The following GAB2 variants were observed in gnomAD, a reference collection of about 807,000 sequenced individuals.
GAB2 encodes GRB2-associated-binding protein 2.
GAB2 carries 26 observed loss-of-function variants against 65.5 expected under a neutral mutation model. The ratio of observed to expected loss-of-function variants is 0.40; its 90% CI spans 0.29 to 0.55. The LOEUF is 0.55. Ranked by LOEUF, GAB2 falls within the 20% of genes least tolerant of loss-of-function variation. GAB2 has a pLI of 0.53. For missense variants in GAB2, 884 were observed against 875.8 expected (o/e 1.01, Z -0.12); for synonymous variants, 321 against 329.6 (o/e 0.97, Z 0.28).
chr11:78,301,316 A>C (rs576469329), intron 1 of GAB2, among the ~76,000 whole-genome samples: 1 of 149,410 alleles, frequency 6.7e-6, no homozygotes, highest in East Asian at 2.0e-4. Context: ...TCATTTTCTT[A>C]GTGGTATCTT....
At chr11:78,252,478 A>G (rs1369635730) in intron 2 of GAB2, among the ~76,000 whole-genome samples, 1 of 152,184 alleles carries the variant, frequency 6.6e-6, no homozygotes, top group Non-Finnish European at 1.5e-5. Context: ...GCTACTGCCT[A>G]AGAAGACACA....
At chr11:78,409,286 T>A (rs1184802219) in intron 1 of GAB2, among the ~76,000 whole-genome samples, 3 of 151,980 alleles carry the variant, frequency 2.0e-5, no homozygotes, top group Non-Finnish European at 4.4e-5. Flanking sequence ...TCTAAATGTG[T>A]ATATATTGAA....
intron 1 of GAB2, among the ~76,000 whole-genome samples, chr11:78,298,010 T>C (rs752895276): frequency 2.0e-5 from 3 of 152,182 alleles, no homozygotes; most frequent in Non-Finnish European, 2.9e-5. Context: ...CATAATTCTA[T>C]ATTTTTAAGT....
intron 2 of GAB2, among the ~76,000 whole-genome samples, chr11:78,252,449 G>A (rs115053330): frequency 0.011 from 1,707 of 152,192 alleles, 30 homozygotes; most frequent in African/African-American, 0.032. Context: ...GTAGCCACAG[G>A]GCCATGGAAA....
chr11:78,298,735 C>G (rs1866909049), intron 1 of GAB2, among the ~76,000 whole-genome samples: 2 of 152,178 alleles, frequency 1.3e-5, no homozygotes, highest in Non-Finnish European at 2.9e-5. Context: ...ATTTAAAGCA[C>G]TGAATTAAGC....
At chr11:78,222,002 A>G (rs1864448864) in intron 7 of GAB2, 103 bp downstream of exon 7, 1 of 803,742 alleles carries the variant, frequency 1.2e-6, no homozygotes, top group African/African-American at 1.7e-5. Flanking sequence ...TGATAGCGTT[A>G]GCATCAGAAT....
At chr11:78,370,530 T>C (rs970945558) in intron 1 of GAB2, among the ~76,000 whole-genome samples, 1 of 152,114 alleles carries the variant, frequency 6.6e-6, no homozygotes, top group African/African-American at 2.4e-5. Context: ...CTGTTTATCA[T>C]GTGTTGCAAT....
intron 2 of GAB2, among the ~76,000 whole-genome samples, chr11:78,267,587 G>A (rs1000690123): frequency 3.9e-5 from 6 of 151,972 alleles, no homozygotes; most frequent in South Asian, 2.1e-4. Context: ...GGCCAGGTGC[G>A]GTGGCTCACA....
chr11:78,368,926 T>A (rs1471493913), intron 1 of GAB2, among the ~76,000 whole-genome samples: 1 of 151,784 alleles, frequency 6.6e-6, no homozygotes, highest in Non-Finnish European at 1.5e-5. Context: ...ACAAATTTTT[T>A]AAAAATTAAA....
chr11:78,348,819 C>A (rs142479642), intron 1 of GAB2, among the ~76,000 whole-genome samples: 31 of 152,110 alleles, frequency 2.0e-4, no homozygotes, highest in African/African-American at 7.5e-4. Context: ...AAGAAAGAAC[C>A]CAATGTCCAT....
At chr11:78,223,918 T>C (rs1864544171) in intron 5 of GAB2, among the ~76,000 whole-genome samples, 1 of 152,042 alleles carries the variant, frequency 6.6e-6, no homozygotes, top group Admixed American at 6.6e-5. Context: ...TCCTCTCTAC[T>C]AAAAATCCAA....
At chr11:78,361,610 T>C (rs1311105850) in intron 1 of GAB2, among the ~76,000 whole-genome samples, 1 of 152,222 alleles carries the variant, frequency 6.6e-6, no homozygotes, top group Non-Finnish European at 1.5e-5. Context: ...TAACTATAAA[T>C]GATTTTTAAA....
At position 78,216,433 on chromosome 11, in the gene GAB2, T is replaced by C. The variant is rs902725941; in HGVS notation, c.*2839A>G. The C allele has an allele frequency of 1.3e-5, 2 of 151,788 alleles. No individual in the cohort carries two copies. Among genetic ancestry groups the C allele is most frequent in the Admixed American group, 1.3e-4 (2 of 15,246 alleles). The allele number at this position is 151,788 out of a possible 1,614,324, so 9.4% of individuals were successfully genotyped here. A position where few individuals can be genotyped will look rare whatever the true frequency, so the allele number is the denominator to read the frequency against. On this transcript the variant is annotated 3_prime_UTR_variant, in exon 10 of 10. Coordinates refer to ENST00000361507, the MANE Select transcript of GAB2 (RefSeq NM_080491.3). ...GAGTTGACTCCTTTGTTGGAGGAGG[T>C]AGTGGGTGGAGGGTGGGGATATGCT... is the stretch of plus-strand genomic sequence containing the variant.
chr11:78,413,136 CAAAT>C (rs1348451061), intron 1 of GAB2, among the ~76,000 whole-genome samples: 1 of 152,098 alleles, frequency 6.6e-6, no homozygotes, highest in Non-Finnish European at 1.5e-5. Context: ...GGGAAACATT[CAAAT>C]AGAGATGCCC....
chr11:78,276,351 T>C (rs1346620999), intron 2 of GAB2, among the ~76,000 whole-genome samples: 1 of 152,100 alleles, frequency 6.6e-6, no homozygotes, highest in Non-Finnish European at 1.5e-5. Flanking sequence ...GCTCAAGCGA[T>C]CTTCCTGTCT....
At position 78,222,090 on chromosome 11, in the gene GAB2, C is replaced by A; in HGVS notation, c.1658+15G>T. The A allele has an allele frequency of 1.3e-6, 2 of 1,558,140 alleles. No individual in the cohort carries two copies. The highest frequency in any genetic ancestry group is 1.8e-6 in the Non-Finnish European group (2 of 1,128,882). ...GCCCGACTCCAAGCTCCCACCCCCA[C>A]ACATACGCACTTACTTGGCCCTAGA... On this transcript the variant is annotated intron_variant, in intron 7 of 9. Transcript: ENST00000361507.
chr11:78,378,298 T>C (rs1856656421), intron 1 of GAB2, among the ~76,000 whole-genome samples: 1 of 152,330 alleles, frequency 6.6e-6, no homozygotes, highest in South Asian at 2.1e-4. Context: ...ATGAGCGCCC[T>C]TGGGCCATTA....
At chr11:78,343,260 T>C (rs2134693947) in intron 1 of GAB2, among the ~76,000 whole-genome samples, 1 of 152,148 alleles carries the variant, frequency 6.6e-6, no homozygotes, top group South Asian at 2.1e-4. Flanking sequence ...TTAAAAATAG[T>C]GATGAGATGA....
At chr11:78,334,894 T>C (rs953578667) in intron 1 of GAB2, among the ~76,000 whole-genome samples, 4 of 152,240 alleles carry the variant, frequency 2.6e-5, no homozygotes, top group African/African-American at 9.6e-5. Context: ...TTTCTCTACA[T>C]CCTCGCCAGC....
Sources: allele counts gnomAD v4.1 joint callset (sites outside exome capture counted in the v4.1 genomes callset), GRCh38; gene constraint gnomAD v4.1.1; transcripts MANE v1.5; gene names NCBI Gene and HGNC (gene_info 2026-07-23, HGNC 2026-07-21).